KCNN2: variants seen among roughly 807,000 people sequenced by gnomAD.
KCNN2 encodes the protein potassium calcium-activated channel subfamily N member 2.
In KCNN2, 24 loss-of-function variants were observed where a neutral mutation model predicts 55.5. That is an observed-to-expected ratio of 0.43 (90% CI 0.31 to 0.61). The LOEUF (loss-of-function observed/expected upper bound fraction) is 0.61, where lower values mean the gene tolerates loss of function less well. Ranked by LOEUF, KCNN2 falls within the 20% of genes least tolerant of loss-of-function variation. The pLI, the probability that KCNN2 is intolerant of heterozygous loss-of-function variation, is 0.08. For missense variants in KCNN2, 754 were observed against 853.6 expected, an observed-to-expected ratio of 0.88 and a Z score of 1.45; for synonymous variants, 431 against 336.1, an observed-to-expected ratio of 1.28 and a Z score of -3.09.
intron 2 of KCNN2, among the ~76,000 whole-genome samples, chr5:114,368,962 A>G (rs1757685629): frequency 6.6e-6 from 1 of 151,950 alleles, no homozygotes; most frequent in African/African-American, 2.4e-5. Flanking sequence ...GGCAAATTGG[A>G]GTTTTCTAAG....
At chr5:114,339,137 A>G (rs1756973947) in intron 2 of KCNN2, among the ~76,000 whole-genome samples, 1 of 152,218 alleles carries the variant, frequency 6.6e-6, no homozygotes, top group Admixed American at 6.5e-5. Flanking sequence ...AGGAATCATC[A>G]CAAAGGTTCC....
At chr5:114,228,631 T>A (rs1448297101) in intron 2 of KCNN2, among the ~76,000 whole-genome samples, 2 of 152,086 alleles carry the variant, frequency 1.3e-5, no homozygotes, top group South Asian at 2.1e-4. Flanking sequence ...ATGCTTTATG[T>A]TTCTCCATTT....
chr5:114,143,175 G>A lies in KCNN2; in HGVS notation c.-270-78305G>A, dbSNP rs150525812. ...GGGGTAGATTAGTAAGAAATTTAGG[G>A]TCATTTGATTATGAGGTGAGATGGT... On this transcript the variant is annotated intron_variant, in intron 1 of 10. Transcript: ENST00000512097. 7.5e-4 allele frequency among the ~76,000 whole-genome samples: 114 copies of A among 152,176 alleles called. 2 individuals carry two copies. In the East Asian group the frequency reaches 0.019, roughly 26 times the overall value.
At chr5:114,149,412 C>CAGATCG in intron 1 of KCNN2, among the ~76,000 whole-genome samples, 1 of 152,264 alleles carries the variant, frequency 6.6e-6, no homozygotes, top group Middle Eastern at 3.4e-3. Context: ...TATTCCTAGG[C>CAGATCG]AGATCGACAG....
chr5:114,339,338 A>C (rs1050353234), intron 2 of KCNN2, among the ~76,000 whole-genome samples: 2 of 152,156 alleles, frequency 1.3e-5, no homozygotes, highest in Non-Finnish European at 2.9e-5. Context: ...ATGCAGTTTC[A>C]GTTTCTCATG....
At chr5:114,160,215 A>C (rs916310087) in intron 1 of KCNN2, among the ~76,000 whole-genome samples, 18 of 152,024 alleles carry the variant, frequency 1.2e-4, no homozygotes, top group African/African-American at 4.1e-4. Flanking sequence ...CTTTGTTCTC[A>C]TTGGTTTCAA....
chr5:114,303,708 A>T (rs1756213259), intron 2 of KCNN2, among the ~76,000 whole-genome samples: 1 of 152,222 alleles, frequency 6.6e-6, no homozygotes, highest in African/African-American at 2.4e-5. Context: ...TTAAGTTGCA[A>T]TGCAAATAGT....
chr5:114,411,657 C>T (rs1371534087), intron 3 of KCNN2, among the ~76,000 whole-genome samples: 1 of 152,028 alleles, frequency 6.6e-6, no homozygotes, highest in African/African-American at 2.4e-5. Flanking sequence ...GTCCCAGCTC[C>T]AGGAGAGAGA....
At chr5:114,447,898 A>C (rs765886116) in intron 3 of KCNN2, among the ~76,000 whole-genome samples, 1 of 152,230 alleles carries the variant, frequency 6.6e-6, no homozygotes, top group Non-Finnish European at 1.5e-5. Context: ...AAAAATACTA[A>C]TATTTAAGAA....
At chr5:114,119,915 G>T (rs746660340) in intron 1 of KCNN2, among the ~76,000 whole-genome samples, 1 of 152,128 alleles carries the variant, frequency 6.6e-6, no homozygotes, top group Non-Finnish European at 1.5e-5. Flanking sequence ...CAATTGAGAT[G>T]CTGGAGATCA....
rs1292727770 is a variant in KCNN2 at position 114,362,939 on chromosome 5, C to CCGT, written c.802_803insTCG (p.Ala267_Ala268insVal). The CCGT allele has an allele frequency of 2.5e-6, 4 of 1,584,518 alleles. No individual in the cohort carries two copies. In the African/African-American group the frequency reaches 4.0e-5, roughly 16 times the overall value. On this transcript the variant is annotated inframe_insertion, in exon 1 of 8. Transcript: ENST00000673685. ...TCCTCCCCGTCTGCAGCCGCTGCCG[C>CCGT]CGCCGCCGCTGTTTCGTCCTCAGCC...
chr5:114,129,187 A>G (rs1751999234), intron 1 of KCNN2, among the ~76,000 whole-genome samples: 1 of 152,042 alleles, frequency 6.6e-6, no homozygotes, highest in African/African-American at 2.4e-5. Context: ...TAGGTTCCCC[A>G]CCCCTTACTC....
At position 114,229,322 on chromosome 5, in the gene KCNN2, A is replaced by G. The variant is rs76098618; in HGVS notation, c.-185+7757A>G. Among the ~76,000 whole-genome samples, 212 of 150,762 alleles carry G rather than the reference A, an allele frequency of 1.4e-3. 2 individuals are homozygous for G. In the East Asian group the frequency reaches 0.037, roughly 27 times the overall value. Reference sequence around the variant, plus strand: ...TTTTAACATTTTCTTTTTTGCTTTTATTATCTAGGAGCTCTCAGTTTTTAA... The same window carrying G: ...TTTTAACATTTTCTTTTTTGCTTTTGTTATCTAGGAGCTCTCAGTTTTTAA... On this transcript the variant is annotated intron_variant, in intron 2 of 10. Coordinates refer to the KCNN2 transcript ENST00000512097.
At chr5:114,262,468 C>T (rs762553912) in intron 2 of KCNN2, among the ~76,000 whole-genome samples, 1 of 152,068 alleles carries the variant, frequency 6.6e-6, no homozygotes, top group Non-Finnish European at 1.5e-5. Flanking sequence ...GTCAATTAAG[C>T]AGAGTAGTCA....
intron 2 of KCNN2, among the ~76,000 whole-genome samples, chr5:114,257,921 A>G (rs759303138): frequency 5.9e-5 from 9 of 152,218 alleles, no homozygotes; most frequent in East Asian, 1.9e-4. Context: ...CTTTATTCCA[A>G]TTCTTATGGG....
chr5:114,302,336 C>A (rs958673278), intron 2 of KCNN2, among the ~76,000 whole-genome samples: 3 of 152,092 alleles, frequency 2.0e-5, no homozygotes, highest in African/African-American at 7.2e-5. Flanking sequence ...TTTATTTGTT[C>A]ATTCCAAAGA....
intron 2 of KCNN2, among the ~76,000 whole-genome samples, chr5:114,342,380 T>C (rs1291144856): frequency 6.6e-6 from 1 of 152,200 alleles, no homozygotes; most frequent in Non-Finnish European, 1.5e-5. Context: ...AGTGAATTGA[T>C]GCAGATACAC....
chr5:114,363,823 G>A (rs934413184), intron 1 of KCNN2, 83 bp from the exon 2 acceptor site: 5 of 932,370 alleles, frequency 5.4e-6, no homozygotes, highest in Non-Finnish European at 7.0e-6. Context: ...GTCCACCTGT[G>A]GGGGACTGAC....
intron 1 of KCNN2, among the ~76,000 whole-genome samples, chr5:114,158,632 T>A (rs1752693446): frequency 6.6e-6 from 1 of 151,858 alleles, no homozygotes; most frequent in South Asian, 2.1e-4. Flanking sequence ...TTCCTACCCA[T>A]GAGCATGGAA....
Sources: gnomAD v4.1 joint callset for allele counts (sites outside exome capture counted in the v4.1 genomes callset) on GRCh38, gnomAD v4.1.1 for gene constraint, MANE v1.5 for transcripts, NCBI Gene and HGNC (gene_info 2026-07-23, HGNC 2026-07-21) for gene names.